OR51B5: variants seen among roughly 807,000 people sequenced by gnomAD.
OR51B5 encodes olfactory receptor family 51 subfamily B member 5, also known as olfactory receptor 51B5.
For missense variants in OR51B5, 456 were observed against 374.6 expected (o/e 1.22, Z -1.79); for synonymous variants, 186 against 144.8 (o/e 1.28, Z -2.04).
At chr11:5,415,311 C>T (rs991041250) in intron 1 of OR51B5, among the ~76,000 whole-genome samples, 4 of 150,516 alleles carry the variant, frequency 2.7e-5, no homozygotes, top group Non-Finnish European at 4.4e-5. Context: ...TAAATGCCCA[C>T]AAGAGAAAGC....
intron 1 of OR51B5, among the ~76,000 whole-genome samples, chr11:5,460,950 T>C (rs575312411): frequency 6.6e-6 from 1 of 152,334 alleles, no homozygotes; most frequent in African/African-American, 2.4e-5. Context: ...CCTGTTGCAC[T>C]GGAGGGGCCA....
chr11:5,435,868 A>T (rs1850585343), intron 1 of OR51B5, among the ~76,000 whole-genome samples: 1 of 152,216 alleles, frequency 6.6e-6, no homozygotes. Context: ...TACTTTGTAC[A>T]GACTTTTTCT....
downstream of OR51B5, among the ~76,000 whole-genome samples, chr11:5,342,113 G>A (rs1263107198): frequency 2.6e-5 from 4 of 152,096 alleles, no homozygotes; most frequent in African/African-American, 7.2e-5. Flanking sequence ...CTGGACTTCA[G>A]TGACCAAATT....
At chr11:5,340,475 CTTTT>C (rs60741710), downstream of OR51B5, 1 of 145,946 alleles carries the variant, frequency 6.9e-6, no homozygotes, top group South Asian at 2.2e-4. Flanking sequence ...AAGCATTACT[CTTTT>C]TTTTTTTGCA....
intron 1 of OR51B5, among the ~76,000 whole-genome samples, chr11:5,491,978 A>G (rs1419237987): frequency 6.6e-6 from 1 of 152,232 alleles, no homozygotes; most frequent in East Asian, 1.9e-4. Flanking sequence ...AGTTTGGCAC[A>G]TAAATCAGTG....
chr11:5,350,532 T>A (rs1256936062), intron 1 of OR51B5, among the ~76,000 whole-genome samples: 4 of 152,166 alleles, frequency 2.6e-5, no homozygotes, highest in Non-Finnish European at 4.4e-5. Flanking sequence ...AATCTTAGAA[T>A]TCTAATGAGT....
At chr11:5,428,250 T>C (rs1036175617) in intron 1 of OR51B5, among the ~76,000 whole-genome samples, 7 of 151,586 alleles carry the variant, frequency 4.6e-5, no homozygotes, top group African/African-American at 1.7e-4. Context: ...AGTTCCAGAC[T>C]GCCACAATAA....
intron 1 of OR51B5, among the ~76,000 whole-genome samples, chr11:5,449,922 T>C (rs1435205395): frequency 2.0e-5 from 3 of 152,200 alleles, no homozygotes; most frequent in Non-Finnish European, 4.4e-5. Flanking sequence ...ATGATACAGA[T>C]TGAAAACTGT....
intron 1 of OR51B5, among the ~76,000 whole-genome samples, chr11:5,465,059 G>A (rs1851116921): frequency 1.3e-5 from 2 of 151,542 alleles, no homozygotes; most frequent in Non-Finnish European, 2.9e-5. Context: ...ACAGAAAATT[G>A]TCCGGGCGTA....
chr11:5,446,306 A>G (rs1046284788), intron 1 of OR51B5, among the ~76,000 whole-genome samples: 3 of 43,360 alleles, frequency 6.9e-5, no homozygotes, highest in Non-Finnish European at 2.6e-4. Context: ...AGGTAACCCA[A>G]AAAAAAAAGA....
intron 1 of OR51B5, among the ~76,000 whole-genome samples, chr11:5,467,610 C>T (rs454465): frequency 0.72 from 108,838 of 152,156 alleles, 39,723 homozygotes; most frequent in Non-Finnish European, 0.78. Flanking sequence ...TGGGTTGTGT[C>T]TTCTTGGCAT....
downstream of OR51B5, among the ~76,000 whole-genome samples, chr11:5,341,797 A>G (rs1428350422): frequency 1.3e-5 from 2 of 152,198 alleles, no homozygotes; most frequent in Admixed American, 1.3e-4. Context: ...CAGCCAGCGT[A>G]GATATCTGAG....
intron 1 of OR51B5, among the ~76,000 whole-genome samples, chr11:5,445,673 T>C (rs1182919741): frequency 1.3e-5 from 2 of 150,584 alleles, no homozygotes; most frequent in Non-Finnish European, 2.9e-5. Flanking sequence ...TAAACATATT[T>C]CACAACAAAG....
chr11:5,400,919 A>G (rs1165440720), intron 1 of OR51B5, among the ~76,000 whole-genome samples: 1 of 152,226 alleles, frequency 6.6e-6, no homozygotes, highest in Non-Finnish European at 1.5e-5. Flanking sequence ...AAGTTCATAC[A>G]AGAATCAGAT....
intron 1 of OR51B5, among the ~76,000 whole-genome samples, chr11:5,457,297 G>T (rs987030890): frequency 2.0e-5 from 3 of 152,160 alleles, no homozygotes; most frequent in Non-Finnish European, 4.4e-5. Context: ...CCATGTAGCT[G>T]CAAAGGACAT....
At chr11:5,423,043 C>A in intron 1 of OR51B5, 1 of 1,614,078 alleles carries the variant, frequency 6.2e-7, no homozygotes, top group Non-Finnish European at 8.5e-7. Flanking sequence ...TGGCCAATAT[C>A]TACCTGCTGG....
upstream of OR51B5, among the ~76,000 whole-genome samples, chr11:5,347,806 G>A (rs959207070): frequency 1.3e-5 from 2 of 152,040 alleles, no homozygotes; most frequent in African/African-American, 4.8e-5. Flanking sequence ...GCAGAAGAGG[G>A]AGGGAGGGAA....
intron 1 of OR51B5, chr11:5,351,593 T>C (rs367596578): frequency 8.1e-6 from 13 of 1,614,006 alleles, no homozygotes; most frequent in Non-Finnish European, 8.5e-7. Context: ...TTCATCCCAT[T>C]ATTGGCAGCC....
At chr11:5,436,524 C>G (rs375118545) in intron 1 of OR51B5, among the ~76,000 whole-genome samples, 26 of 152,318 alleles carry the variant, frequency 1.7e-4, no homozygotes, top group African/African-American at 6.0e-4. Flanking sequence ...AAGTTCTCAA[C>G]CCCTGCTGTG....
Sources: allele counts gnomAD v4.1 joint callset (sites outside exome capture counted in the v4.1 genomes callset), GRCh38; gene constraint gnomAD v4.1.1; transcripts MANE v1.5; gene names NCBI Gene and HGNC (gene_info 2026-07-23, HGNC 2026-07-21).